The following ATP6V1C1 variants were observed in gnomAD, a reference collection of about 807,000 sequenced individuals.
ATP6V1C1 encodes the protein ATPase H+ transporting V1 subunit C1, also known as V-type proton ATPase subunit C 1.
In ATP6V1C1, 45 loss-of-function variants were observed where a neutral mutation model predicts 53.9. The observed-to-expected ratio is 0.83, with a 90% confidence interval of 0.66 to 1.07. The LOEUF (loss-of-function observed/expected upper bound fraction) is 1.07, where lower values mean the gene tolerates loss of function less well. Ranked by LOEUF, ATP6V1C1 falls within the 50% of genes least tolerant of loss-of-function variation. ATP6V1C1 has a pLI of 0.00. For missense variants in ATP6V1C1, 315 were observed against 440.3 expected (o/e 0.72, Z 2.55); for synonymous variants, 153 against 155.2 (o/e 0.99, Z 0.11).
intron 4 of ATP6V1C1, among the ~76,000 whole-genome samples, chr8:103,050,730 T>C (rs534530552): frequency 6.6e-6 from 1 of 152,268 alleles, no homozygotes; most frequent in Admixed American, 6.5e-5. Flanking sequence ...GAGGAGATAA[T>C]TTGAAGTAGT....
At chr8:103,066,219 C>T (rs945948752) in intron 11 of ATP6V1C1, 102 bp from the exon 12 acceptor site, 59 of 1,337,224 alleles carry the variant, frequency 4.4e-5, no homozygotes, top group Non-Finnish European at 5.4e-5. Context: ...ATATTCTCTC[C>T]CCGTTAACCA....
intron 1 of ATP6V1C1, among the ~76,000 whole-genome samples, chr8:103,031,928 A>G (rs1471624704): frequency 6.6e-6 from 1 of 152,174 alleles, no homozygotes; most frequent in African/African-American, 2.4e-5. Flanking sequence ...AAACTCAACA[A>G]ACTCGAAGCA....
At chr8:103,022,138 A>AACGAC (rs1816608318) in intron 1 of ATP6V1C1, among the ~76,000 whole-genome samples, 1 of 152,140 alleles carries the variant, frequency 6.6e-6, no homozygotes, top group African/African-American at 2.4e-5. Context: ...AGTGTGGAGC[A>AACGAC]ACGACACATG....
At chr8:103,062,873 C>A in intron 8 of ATP6V1C1, 82 bp from the exon 9 acceptor site, 1 of 1,219,768 alleles carries the variant, frequency 8.2e-7, no homozygotes, top group Non-Finnish European at 1.2e-6. Context: ...CTTTTCTCTT[C>A]CACCTGTTTC....
chr8:103,060,928 G>A (rs977078518), intron 8 of ATP6V1C1, among the ~76,000 whole-genome samples: 5 of 152,042 alleles, frequency 3.3e-5, no homozygotes, highest in Admixed American at 2.6e-4. Flanking sequence ...CTTTTGGAAG[G>A]GTCTTCAAAA....
chr8:103,067,588 T>C (rs1817515794), intron 12 of ATP6V1C1, among the ~76,000 whole-genome samples: 1 of 150,898 alleles, frequency 6.6e-6, no homozygotes. Context: ...GCTACACTTT[T>C]TTTCTTTTTC....
intron 7 of ATP6V1C1, among the ~76,000 whole-genome samples, chr8:103,055,225 C>T (rs1302846500): frequency 1.3e-5 from 2 of 152,084 alleles, no homozygotes; most frequent in Non-Finnish European, 2.9e-5. Context: ...GAAATTTTTA[C>T]AGTTTTCTGT....
At chr8:103,048,019 T>C (rs924667440) in intron 3 of ATP6V1C1, among the ~76,000 whole-genome samples, 5 of 152,374 alleles carry the variant, frequency 3.3e-5, no homozygotes, top group African/African-American at 1.2e-4. Context: ...TTTTGTCTTG[T>C]ATGATTTTGA....
intron 7 of ATP6V1C1, among the ~76,000 whole-genome samples, chr8:103,055,642 T>G (rs1396970628): frequency 6.6e-6 from 1 of 152,180 alleles, no homozygotes; most frequent in Non-Finnish European, 1.5e-5. Flanking sequence ...TGTGCCTCTT[T>G]TGCAATGGTT....
At chr8:103,025,160 C>T (rs1295215501) in intron 1 of ATP6V1C1, among the ~76,000 whole-genome samples, 2 of 152,124 alleles carry the variant, frequency 1.3e-5, no homozygotes, top group Non-Finnish European at 2.9e-5. Context: ...AACAGACTAT[C>T]AATGAATAGG....
At chr8:103,033,190 A>T (rs1029234296) in intron 1 of ATP6V1C1, among the ~76,000 whole-genome samples, 2 of 152,202 alleles carry the variant, frequency 1.3e-5, no homozygotes, top group Non-Finnish European at 2.9e-5. Context: ...TGAGATAGGG[A>T]TTGACTGGAC....
intron 10 of ATP6V1C1, among the ~76,000 whole-genome samples, chr8:103,064,021 C>A (rs1266951764): frequency 1.3e-5 from 2 of 152,176 alleles, no homozygotes; most frequent in African/African-American, 4.8e-5. Context: ...ACAAGATTTT[C>A]ACTTGTTTTG....
In ATP6V1C1 at chr8:103,062,025, T is replaced by C. The variant is rs994584177; in HGVS notation, c.642-930T>C. 1.8e-4 allele frequency among the ~76,000 whole-genome samples: 28 copies of C among 152,174 alleles called. 1 individual carries two copies. The highest frequency in any genetic ancestry group is 3.9e-4 in the Admixed American group (6 of 15,274). Reference sequence around the variant, plus strand: ...CTGGCAGTTGTGTCTGGAAAGGTCTTTCTAGTGATGTCCATGGAGCTGTGA... The same window carrying C: ...CTGGCAGTTGTGTCTGGAAAGGTCTCTCTAGTGATGTCCATGGAGCTGTGA... On this transcript the variant is annotated intron_variant, in intron 8 of 12. Coordinates refer to ENST00000518738, the MANE Select transcript of ATP6V1C1 (RefSeq NM_001695.5).
intron 1 of ATP6V1C1, among the ~76,000 whole-genome samples, chr8:103,023,994 T>C (rs1816652273): frequency 6.6e-6 from 1 of 152,210 alleles, no homozygotes; most frequent in African/African-American, 2.4e-5. Context: ...AGTGGTGGGC[T>C]ATGTCTTATC....
chr8:103,066,374 C>G lies in ATP6V1C1; in HGVS notation c.980C>G (p.Thr327Ser). The change falls in exon 12 of 13, where the codon ACT becomes AGT. Residue 327 changes from threonine (T) to serine (S), a missense_variant. Coordinates refer to ENST00000518738, the MANE Select transcript of ATP6V1C1 (RefSeq NM_001695.5). ...QAMLLQPNKK[T>S]LKKLREVLHE... ...ATGCTACTTCAGCCCAATAAGAAAA[C>G]TTTGAAGAAACTGAGAGAAGTATTA... 1 of 1,613,332 alleles carries G rather than the reference C, an allele frequency of 6.2e-7. No homozygotes were observed. Among genetic ancestry groups the G allele is most frequent in the Non-Finnish European group, 8.5e-7 (1 of 1,179,830 alleles).
At chr8:103,051,732 AG>A (rs1195189755) in intron 5 of ATP6V1C1, among the ~76,000 whole-genome samples, 1 of 152,136 alleles carries the variant, frequency 6.6e-6, no homozygotes, top group African/African-American at 2.4e-5. Context: ...AGGAAATCCT[AG>A]AACTTGAGAG....
In ATP6V1C1 at chr8:103,069,462, A is replaced by G. The variant is rs1314191906; in HGVS notation, c.*715A>G. 1 of 152,178 alleles carries G rather than the reference A, an allele frequency of 6.6e-6. No individual in the cohort carries two copies. The allele number at this position is 152,178 out of a possible 1,614,324, so 9.4% of individuals were successfully genotyped here. A position where few individuals can be genotyped will look rare whatever the true frequency, so the allele number is the denominator to read the frequency against. On this transcript the variant is annotated 3_prime_UTR_variant, in exon 13 of 13. Transcript: ENST00000518738. ...GGGTCAGAACACAAATTTGAAGATG[A>G]CTTTTCAGTATATGATGGGTATTTA...
At chr8:103,028,111 T>A (rs1331716149) in intron 1 of ATP6V1C1, among the ~76,000 whole-genome samples, 2 of 152,116 alleles carry the variant, frequency 1.3e-5, no homozygotes, top group African/African-American at 4.8e-5. Context: ...AGTAGACATG[T>A]GGGAGAAGTA....
In ATP6V1C1 at chr8:103,055,943, AG is replaced by A. The variant is rs1445181291; in HGVS notation, c.641+8del. 1 of 1,610,164 alleles carries A rather than the reference AG, an allele frequency of 6.2e-7. No individual in the cohort carries two copies. The highest frequency in any genetic ancestry group is 8.5e-7 in the Non-Finnish European group (1 of 1,176,994). On this transcript the variant is annotated splice_region_variant and intron_variant, in intron 8 of 12. Coordinates refer to ENST00000518738, the MANE Select transcript of ATP6V1C1 (RefSeq NM_001695.5). Reference sequence around the variant, plus strand: ...TAGTTCCAAGGTCTAGCAAGTAAGTAGAAGTCTTTGTAAAACCATTTGTTTC... The same window carrying A: ...TAGTTCCAAGGTCTAGCAAGTAAGTAAAGTCTTTGTAAAACCATTTGTTTC...
Sources: gnomAD v4.1 joint callset for allele counts (sites outside exome capture counted in the v4.1 genomes callset) on GRCh38, gnomAD v4.1.1 for gene constraint, MANE v1.5 for transcripts, NCBI Gene and HGNC (gene_info 2026-07-23, HGNC 2026-07-21) for gene names.